The following PTCHD1 variants were observed in gnomAD, a reference collection of about 807,000 sequenced individuals.
PTCHD1 encodes the protein patched domain containing 1.
Under a neutral mutation model 34.6 loss-of-function variants are expected in PTCHD1, and 3 were observed. That is an observed-to-expected ratio of 0.09 (90% CI 0.04 to 0.22). PTCHD1 has a LOEUF of 0.22. PTCHD1 is among the 10% of genes least tolerant of loss of function. The pLI, the probability that PTCHD1 is intolerant of heterozygous loss-of-function variation, is 1.00. For synonymous variants in PTCHD1, 305 were observed against 283.1 expected (o/e 1.08, Z -0.77); for missense variants, 504 against 685.5 (o/e 0.74, Z 2.96).
At chrX:23,339,092 C>T (rs1569131374) in intron 1 of PTCHD1, among the ~76,000 whole-genome samples, 1 of 112,023 alleles carries the variant, frequency 8.9e-6, no homozygotes, top group East Asian at 2.8e-4. Flanking sequence ...TAGTGCCTTA[C>T]ACACTCCCTG....
intron 2 of PTCHD1, among the ~76,000 whole-genome samples, chrX:23,390,021 A>T (rs1385489010): frequency 1.8e-5 from 2 of 112,089 alleles, no homozygotes; most frequent in African/African-American, 6.5e-5. Flanking sequence ...TTCTAAGATT[A>T]TTCAACAGCA....
intron 1 of PTCHD1, among the ~76,000 whole-genome samples, chrX:23,344,281 G>A (rs1921417343): frequency 8.9e-6 from 1 of 112,220 alleles, no homozygotes; most frequent in South Asian, 3.7e-4. Flanking sequence ...CTCCTTATTT[G>A]CACTGGGTGT....
At chrX:23,360,282 T>A (rs1410453170) in intron 1 of PTCHD1, among the ~76,000 whole-genome samples, 1 of 111,160 alleles carries the variant, frequency 9.0e-6, no homozygotes, top group Non-Finnish European at 1.9e-5. Context: ...GTTCCTGGAC[T>A]TTTTTTTGCT....
rs1922861690 is a variant in PTCHD1 at position 23,392,431 on chromosome X, A to G, written c.1013-100A>G. ...ATACCCGTCACCACTAGGGTTGATT[A>G]CGTTTCCTTTGACCCAGTAGTCCCT... On this transcript the variant is annotated intron_variant, in intron 2 of 2. Coordinates refer to ENST00000379361, the MANE Select transcript of PTCHD1 (RefSeq NM_173495.3). The G allele has an allele frequency of 5.2e-6, 3 of 575,313 alleles. No individual in the cohort carries two copies. The East Asian group carries it at 1.0e-4, about 19-fold the overall frequency. The allele number at this position is 575,313 out of a possible 1,213,427, so 47.4% of individuals were successfully genotyped here. A position where few individuals can be genotyped will look rare whatever the true frequency, so the allele number is the denominator to read the frequency against.
intron 1 of PTCHD1, among the ~76,000 whole-genome samples, chrX:23,363,134 C>T (rs1922035566): frequency 8.9e-6 from 1 of 112,420 alleles, no homozygotes; most frequent in Non-Finnish European, 1.9e-5. Flanking sequence ...GCAGTCTGTC[C>T]ATTCTCAGAG....
At chrX:23,352,396 C>A (rs1285517022) in intron 1 of PTCHD1, among the ~76,000 whole-genome samples, 1 of 112,112 alleles carries the variant, frequency 8.9e-6, no homozygotes, top group East Asian at 2.8e-4. Context: ...ACAGTCTCTC[C>A]TTCCCTTTTA....
intron 1 of PTCHD1, among the ~76,000 whole-genome samples, chrX:23,337,700 G>A (rs1190321960): frequency 9.0e-6 from 1 of 111,256 alleles, no homozygotes; most frequent in East Asian, 2.8e-4. Flanking sequence ...CCCCCTGCCG[G>A]TTTTATGGCG....
chrX:23,348,711 T>A (rs1198713912), intron 1 of PTCHD1, among the ~76,000 whole-genome samples: 2 of 110,236 alleles, frequency 1.8e-5, no homozygotes, highest in Non-Finnish European at 3.8e-5. Flanking sequence ...TGCTTCAAAG[T>A]GAAGGAGATA....
At position 23,393,936 on chromosome X, in the gene PTCHD1, T is replaced by A. The variant is rs1259851472; in HGVS notation, c.2418T>A (p.Ile806=). ...TTTTACAGAGTTACCTCTGCTATAT[T>A]GTTGGTCTGATTCCTCTTGCAGCTG... ...VAILQSYLCY[I]VGLIPLAAVP... Residue 806 remains isoleucine (I), a synonymous_variant, in exon 3 of 3, where the codon ATT becomes ATA. Transcript: ENST00000379361. The A allele has an allele frequency of 8.3e-7, 1 of 1,210,963 alleles. No homozygotes were observed. The highest frequency in any genetic ancestry group is 2.2e-5 in the Admixed American group (1 of 46,020).
At chrX:23,344,886 A>G in intron 1 of PTCHD1, among the ~76,000 whole-genome samples, 1 of 111,918 alleles carries the variant, frequency 8.9e-6, no homozygotes. Flanking sequence ...CCAGTGATTT[A>G]GGTGAGAACG....
At chrX:23,371,367 C>T (rs1189015663) in intron 1 of PTCHD1, among the ~76,000 whole-genome samples, 1 of 111,529 alleles carries the variant, frequency 9.0e-6, no homozygotes, top group East Asian at 2.8e-4. Flanking sequence ...AAGCCGTCGG[C>T]TATGGAGGCA....
chrX:23,391,562 C>G (rs1052091052), intron 2 of PTCHD1, among the ~76,000 whole-genome samples: 1 of 111,237 alleles, frequency 9.0e-6, no homozygotes, highest in Non-Finnish European at 1.9e-5. Flanking sequence ...GGAGGGAAAA[C>G]AGAGGGGGCT....
chrX:23,371,842 A>T (rs758175373), intron 1 of PTCHD1, among the ~76,000 whole-genome samples: 45 of 111,824 alleles, frequency 4.0e-4, no homozygotes, highest in African/African-American at 1.4e-3. Flanking sequence ...ATAATAATAC[A>T]ATTGTATTTG....
In PTCHD1 at chrX:23,397,258, C is replaced by G. The variant is rs913819425; in HGVS notation, c.*3073C>G. 1.8e-5 allele frequency: 2 copies of G among 111,834 alleles called. No individual in the cohort carries two copies. The highest frequency in any genetic ancestry group is 9.6e-5 in the Admixed American group (1 of 10,454). 9.2% of individuals were successfully genotyped at this position (111,834 alleles called of 1,213,427 possible). A position where few individuals can be genotyped will look rare whatever the true frequency, so the allele number is the denominator to read the frequency against. ...AAAGTCAAGGTAAGGGTGATATTCTCTCATTTAGTGGAAGAAGAAGATGTC... is the reference window on the plus strand; with the variant it reads ...AAAGTCAAGGTAAGGGTGATATTCTGTCATTTAGTGGAAGAAGAAGATGTC... On this transcript the variant is annotated 3_prime_UTR_variant, in exon 3 of 3. Coordinates refer to ENST00000379361, the MANE Select transcript of PTCHD1 (RefSeq NM_173495.3).
intron 1 of PTCHD1, among the ~76,000 whole-genome samples, chrX:23,363,184 G>A (rs1922036596): frequency 8.9e-6 from 1 of 112,592 alleles, no homozygotes; most frequent in African/African-American, 3.2e-5. Context: ...TCTCTTCAGA[G>A]CTGTCAGTCA....
intron 2 of PTCHD1, among the ~76,000 whole-genome samples, chrX:23,387,990 G>A (rs945325640): frequency 1.8e-5 from 2 of 111,583 alleles, no homozygotes; most frequent in African/African-American, 6.5e-5. Flanking sequence ...CCCCTGGGAT[G>A]TTGTATCATC....
intron 2 of PTCHD1, among the ~76,000 whole-genome samples, chrX:23,389,790 T>A (rs1204814777): frequency 1.8e-5 from 2 of 111,711 alleles, no homozygotes; most frequent in African/African-American, 6.5e-5. Context: ...TCTTTGGAGC[T>A]GCCCCCAAAC....
intron 1 of PTCHD1, among the ~76,000 whole-genome samples, chrX:23,350,060 TAA>T (rs57194123): frequency 0.083 from 3,338 of 40,129 alleles, 64 homozygotes; most frequent in Admixed American, 0.11. Context: ...TTAGTGCTGT[TAA>T]AAAAAAAAAA....
chrX:23,336,979 C>CA (rs776787330), intron 1 of PTCHD1, among the ~76,000 whole-genome samples: 2 of 111,096 alleles, frequency 1.8e-5, no homozygotes, highest in Non-Finnish European at 3.8e-5. Context: ...TTTCCCCCCC[C>CA]ACCCACAAAC....
Sources: gnomAD v4.1 joint callset for allele counts (sites outside exome capture counted in the v4.1 genomes callset) on GRCh38, gnomAD v4.1.1 for gene constraint, MANE v1.5 for transcripts, NCBI Gene and HGNC (gene_info 2026-07-23, HGNC 2026-07-21) for gene names.